DGKB: variants seen among roughly 807,000 people sequenced by gnomAD.
DGKB encodes diacylglycerol kinase beta.
In DGKB, 67 loss-of-function variants were observed where a neutral mutation model predicts 114.3. The observed-to-expected ratio is 0.59, with a 90% CI of 0.48 to 0.72. The LOEUF is 0.72. DGKB is among the 30% of genes least tolerant of loss of function. DGKB has a pLI of 0.00. For missense variants in DGKB, 907 were observed against 975.2 expected, an observed-to-expected ratio of 0.93 and a Z score of 0.93; for synonymous variants, 398 against 323.1, an observed-to-expected ratio of 1.23 and a Z score of -2.49.
intron 21 of DGKB, among the ~76,000 whole-genome samples, chr7:14,473,417 C>T (rs183241363): frequency 3.2e-4 from 49 of 152,296 alleles, no homozygotes; most frequent in African/African-American, 9.6e-4. Flanking sequence ...TGTATGGAAA[C>T]GCCTGGATGC....
intron 2 of DGKB, among the ~76,000 whole-genome samples, chr7:14,833,692 C>T (rs1468029281): frequency 6.6e-6 from 1 of 152,108 alleles, no homozygotes; most frequent in African/African-American, 2.4e-5. Flanking sequence ...TACACACATG[C>T]ATGACATGCA....
chr7:14,269,615 A>G (rs1312288540), intron 23 of DGKB, among the ~76,000 whole-genome samples: 2 of 152,156 alleles, frequency 1.3e-5, no homozygotes, highest in African/African-American at 4.8e-5. Context: ...ATGCAACCTT[A>G]TATTCTGGCA....
intron 20 of DGKB, among the ~76,000 whole-genome samples, chr7:14,482,688 G>A (rs1783160797): frequency 6.6e-6 from 1 of 151,986 alleles, no homozygotes; most frequent in Non-Finnish European, 1.5e-5. Flanking sequence ...AAGAGATTGT[G>A]GTTCTGTATT....
intron 20 of DGKB, among the ~76,000 whole-genome samples, chr7:14,545,728 G>A (rs1794180258): frequency 2.6e-5 from 4 of 152,150 alleles, no homozygotes; most frequent in African/African-American, 7.2e-5. Flanking sequence ...TTCTGGGAAC[G>A]TTTATTTTTG....
At chr7:14,285,354 T>G (rs148025813) in intron 23 of DGKB, among the ~76,000 whole-genome samples, 1 of 152,144 alleles carries the variant, frequency 6.6e-6, no homozygotes, top group Admixed American at 6.6e-5. Context: ...CAAATTACTA[T>G]TGGAGCAAAG....
At chr7:14,173,961 G>C (rs74707230) in intron 25 of DGKB, among the ~76,000 whole-genome samples, 38 of 152,142 alleles carry the variant, frequency 2.5e-4, no homozygotes, top group Non-Finnish European at 4.3e-4. Context: ...TGAAATGAAT[G>C]TCTTATTACT....
chr7:14,382,546 C>T (rs1819658575), intron 21 of DGKB, among the ~76,000 whole-genome samples: 1 of 152,086 alleles, frequency 6.6e-6, no homozygotes, highest in Non-Finnish European at 1.5e-5. Context: ...ATCCTATTCA[C>T]AGGGGTAATT....
intron 21 of DGKB, among the ~76,000 whole-genome samples, chr7:14,352,027 C>A (rs901827701): frequency 1.3e-5 from 2 of 152,028 alleles, no homozygotes; most frequent in African/African-American, 4.8e-5. Flanking sequence ...TATTTCTAGA[C>A]AACAGGTAGA....
In DGKB at chr7:14,630,259, T is replaced by G; in HGVS notation, c.1144A>C (p.Thr382Pro). ...TICPVVLTLP[T>P]SGVSVPEERQ... is the part of the protein sequence containing the mutation. Reference sequence around the variant, plus strand: ...ACCTCAGGAACTGAAACTCCTGAAGTGGGCAGAGTCTGCTGAAAAAGAGAA... The same window carrying G: ...ACCTCAGGAACTGAAACTCCTGAAGGGGGCAGAGTCTGCTGAAAAAGAGAA... The change falls in exon 14 of 26, where the codon ACT becomes CCT. Residue 382 changes from threonine (T) to proline (P), a missense_variant. Transcript: ENST00000402815. 6.4e-7 allele frequency: 1 copy of G among 1,558,942 alleles called. No homozygotes were observed. Among genetic ancestry groups the G allele is most frequent in the Non-Finnish European group, 8.7e-7 (1 of 1,151,810 alleles).
intron 7 of DGKB, among the ~76,000 whole-genome samples, chr7:14,699,019 T>C (rs1772779704): frequency 6.6e-6 from 1 of 152,120 alleles, no homozygotes; most frequent in South Asian, 2.1e-4. Flanking sequence ...TAATCTAATA[T>C]ATGTAGTCGA....
intron 2 of DGKB, among the ~76,000 whole-genome samples, chr7:14,838,385 A>G (rs1462206797): frequency 6.6e-6 from 1 of 152,186 alleles, no homozygotes; most frequent in Non-Finnish European, 1.5e-5. Flanking sequence ...AACTTTTCTT[A>G]TAAGTACTTA....
intron 7 of DGKB, among the ~76,000 whole-genome samples, chr7:14,700,767 C>G (rs1418699510): frequency 6.6e-6 from 1 of 152,112 alleles, no homozygotes; most frequent in Non-Finnish European, 1.5e-5. Flanking sequence ...TTTCAGAGAT[C>G]ATGTCTATTT....
chr7:14,368,218 C>G (rs1260423200), intron 21 of DGKB, among the ~76,000 whole-genome samples: 3 of 151,730 alleles, frequency 2.0e-5, no homozygotes, highest in Non-Finnish European at 4.4e-5. Context: ...CCTACACTGA[C>G]ACATAATTAT....
intron 21 of DGKB, 27 bp downstream of exon 21, chr7:14,478,134 A>C: frequency 2.6e-6 from 4 of 1,513,536 alleles, no homozygotes; most frequent in Non-Finnish European, 3.6e-6. Context: ...AACTATATCT[A>C]TAATTTCATC....
At chr7:14,638,303 T>C (rs1395394402) in intron 13 of DGKB, among the ~76,000 whole-genome samples, 1 of 152,170 alleles carries the variant, frequency 6.6e-6, no homozygotes, top group African/African-American at 2.4e-5. Context: ...GCTACTTTGG[T>C]ATCCACTAAC....
intron 14 of DGKB, among the ~76,000 whole-genome samples, chr7:14,623,384 A>T (rs1015152196): frequency 3.3e-5 from 5 of 152,180 alleles, no homozygotes; most frequent in African/African-American, 1.2e-4. Flanking sequence ...GTATGGGGTA[A>T]CTGAGAAATG....
intron 9 of DGKB, among the ~76,000 whole-genome samples, chr7:14,692,614 T>C (rs1237447946): frequency 6.6e-6 from 1 of 151,620 alleles, no homozygotes; most frequent in Non-Finnish European, 1.5e-5. Context: ...ATGTGTAGTA[T>C]AAGAAATTCA....
In DGKB at chr7:14,148,543, C is replaced by T. The variant is rs1282273218; in HGVS notation, c.*588G>A. On this transcript the variant is annotated 3_prime_UTR_variant, in exon 26 of 26. Transcript: ENST00000402815. Reference sequence around the variant, plus strand: ...TTTTCAGCATGAGAAAACCTTATGCCTGATATTTTTATTTCCACTCAGAAG... The same window carrying T: ...TTTTCAGCATGAGAAAACCTTATGCTTGATATTTTTATTTCCACTCAGAAG... The T allele has an allele frequency of 5.3e-5, 8 of 152,346 alleles. No homozygotes were observed. The highest frequency in any genetic ancestry group is 4.4e-5 in the Non-Finnish European group (3 of 68,018). 9.4% of individuals were successfully genotyped at this position (152,346 alleles called of 1,614,324 possible). A position where few individuals can be genotyped will look rare whatever the true frequency, so the allele number is the denominator to read the frequency against.
chr7:14,778,653 A>G (rs896627215), intron 2 of DGKB, among the ~76,000 whole-genome samples: 3 of 152,202 alleles, frequency 2.0e-5, no homozygotes, highest in Non-Finnish European at 2.9e-5. Flanking sequence ...TTACTAACAG[A>G]AAAACATACC....
Sources: gnomAD v4.1 joint callset for allele counts (sites outside exome capture counted in the v4.1 genomes callset) on GRCh38, gnomAD v4.1.1 for gene constraint, MANE v1.5 for transcripts, NCBI Gene and HGNC (gene_info 2026-07-23, HGNC 2026-07-21) for gene names.